The following CILK1 variants were observed in gnomAD, a reference collection of about 807,000 sequenced individuals.
The protein encoded by CILK1 is ciliogenesis associated kinase 1, also known as serine/threonine-protein kinase ICK.
Under a neutral mutation model 79.2 loss-of-function variants are expected in CILK1, and 47 were observed. That is an observed-to-expected ratio of 0.59 (90% CI 0.47 to 0.76). CILK1 has a LOEUF of 0.76. Ranked by LOEUF, CILK1 falls within the 30% of genes least tolerant of loss-of-function variation. The probability of loss-of-function intolerance (pLI) is 0.00; values close to 1 mark genes in which losing one functional copy is unlikely to be tolerated. For missense variants in CILK1, 660 were observed against 769.5 expected, an observed-to-expected ratio of 0.86 and a Z score of 1.68; for synonymous variants, 266 against 275.9, an observed-to-expected ratio of 0.96 and a Z score of 0.36.
At chr6:53,039,514 C>T (rs1411688096) in intron 2 of CILK1, among the ~76,000 whole-genome samples, 1 of 152,130 alleles carries the variant, frequency 6.6e-6, no homozygotes, top group African/African-American at 2.4e-5. Flanking sequence ...AGGTAGGGAA[C>T]CCAATAATGG....
In CILK1 at chr6:53,009,558, A is replaced by G. The variant is rs1764436702; in HGVS notation, c.1502T>C (p.Ile501Thr). 4 of 1,607,132 alleles carry G rather than the reference A, an allele frequency of 2.5e-6. No homozygotes were observed. Among genetic ancestry groups the G allele is most frequent in the Non-Finnish European group, 3.4e-6 (4 of 1,173,622 alleles). Residue 501 changes from isoleucine to threonine, a missense_variant, in exon 12 of 14, where the codon ATA becomes ACA. Ile to Thr is a moderately conservative substitution (Grantham distance 89). Coordinates refer to ENST00000676107, the MANE Select transcript of CILK1 (RefSeq NM_014920.5). Reference protein sequence around the residue: ...KHSRYLPGISIRNGILSNPGK... With the variant: ...KHSRYLPGISTRNGILSNPGK... ...TGGATTCGAGAGTATGCCATTTCTT[A>G]TACTGATCCCTGATAGAGAAGAAAT...
At chr6:53,045,808 A>AAAAT (rs1488646331) in intron 1 of CILK1, among the ~76,000 whole-genome samples, 1 of 149,862 alleles carries the variant, frequency 6.7e-6, no homozygotes, top group East Asian at 2.0e-4. Flanking sequence ...AAAAAAAAAA[A>AAAAT]ATTCCTGGAA....
intron 12 of CILK1, among the ~76,000 whole-genome samples, chr6:53,008,427 CTTT>C (rs1318627320): frequency 7.1e-6 from 1 of 140,576 alleles, no homozygotes. Flanking sequence ...CCAAGTTCAA[CTTT>C]TTTTTTTTTT....
At chr6:53,060,724 T>C (rs1029912186) in intron 1 of CILK1, among the ~76,000 whole-genome samples, 2 of 152,248 alleles carry the variant, frequency 1.3e-5, no homozygotes, top group Admixed American at 1.3e-4. Context: ...CAAATTCTTC[T>C]TAATAATTTA....
At chr6:53,053,197 G>A (rs1767610232) in intron 1 of CILK1, among the ~76,000 whole-genome samples, 1 of 152,104 alleles carries the variant, frequency 6.6e-6, no homozygotes, top group Non-Finnish European at 1.5e-5. Context: ...TGCCCTGACA[G>A]CATTTAAATT....
At chr6:53,016,640 T>C (rs1402749135) in intron 7 of CILK1, among the ~76,000 whole-genome samples, 5 of 152,242 alleles carry the variant, frequency 3.3e-5, no homozygotes, top group Admixed American at 3.3e-4. Context: ...ATTTTGTTCC[T>C]GGACAAATAA....
At chr6:53,007,009 AG>A (rs750814341) in intron 12 of CILK1, among the ~76,000 whole-genome samples, 76 of 152,356 alleles carry the variant, frequency 5.0e-4, no homozygotes, top group Non-Finnish European at 8.5e-4. Flanking sequence ...GAGTGCTTTA[AG>A]GGCAGGGACT....
intron 1 of CILK1, among the ~76,000 whole-genome samples, chr6:53,041,902 C>A (rs1348829266): frequency 2.0e-5 from 3 of 152,028 alleles, no homozygotes; most frequent in Middle Eastern, 3.2e-3. Context: ...TAAATAATTA[C>A]CTTACCTTTT....
intron 1 of CILK1, chr6:53,052,050 C>A (rs1416136169): frequency 1.3e-5 from 2 of 152,180 alleles, no homozygotes; most frequent in African/African-American, 4.8e-5. Flanking sequence ...TCCCTCCCCT[C>A]GTCCCACCTA....
chr6:53,046,424 T>C (rs1378090214), intron 1 of CILK1, among the ~76,000 whole-genome samples: 2 of 152,198 alleles, frequency 1.3e-5, no homozygotes, highest in Admixed American at 6.5e-5. Flanking sequence ...AGATTATCAC[T>C]GGGAAAGCTA....
chr6:53,032,577 G>T lies in CILK1; in HGVS notation c.234C>A (p.Ile78=), dbSNP rs1490829267. 2 of 1,606,990 alleles carry T rather than the reference G, an allele frequency of 1.2e-6. No homozygotes were observed. Among genetic ancestry groups the T allele is most frequent in the African/African-American group, 1.3e-5 (1 of 74,766 alleles). Residue 78 remains isoleucine, a synonymous_variant, in exon 4 of 14, where the codon ATC becomes ATA. Coordinates refer to ENST00000676107, the MANE Select transcript of CILK1 (RefSeq NM_014920.5). The part of the protein sequence containing the change: ...VIRENDHLYF[I]FEYMKENLYQ... ...AAAGATTTTCCTTCATGTACTCGAA[G>T]ATAAAATAAAGATGATCATTTTCCC...
rs1051726961 is a variant in CILK1, at chr6:53,041,274, G to A, written c.-38C>T. On this transcript the variant is annotated 5_prime_UTR_variant, in exon 2 of 14. Coordinates refer to ENST00000676107, the MANE Select transcript of CILK1 (RefSeq NM_014920.5). ...CAGGCCGGACACTCATCTCACGGCC[G>A]AAGTGGTTCAGTTCTGCAGTGGTAG... 3.4e-6 allele frequency: 5 copies of A among 1,481,548 alleles called. No individual in the cohort carries two copies. Among genetic ancestry groups the A allele is most frequent in the Middle Eastern group, 1.8e-4 (1 of 5,706 alleles). The allele number at this position is 1,481,548 out of a possible 1,614,324, so 91.8% of individuals were successfully genotyped here.
chr6:53,052,578 A>T (rs910424925), intron 1 of CILK1, among the ~76,000 whole-genome samples: 1 of 152,046 alleles, frequency 6.6e-6, no homozygotes, highest in African/African-American at 2.4e-5. Flanking sequence ...TAAAAATACA[A>T]AAATTAACCA....
chr6:53,026,468 T>C (rs550376397), intron 5 of CILK1, among the ~76,000 whole-genome samples: 3 of 152,318 alleles, frequency 2.0e-5, no homozygotes, highest in South Asian at 4.1e-4. Flanking sequence ...TTTTGAGCAG[T>C]GCTTGCACAT....
At chr6:53,007,031 C>T (rs768799753) in intron 12 of CILK1, among the ~76,000 whole-genome samples, 96 of 152,158 alleles carry the variant, frequency 6.3e-4, no homozygotes, top group South Asian at 2.1e-4. Flanking sequence ...GTATGCTACT[C>T]GTCTTGGTAT....
chr6:53,037,100 T>C (rs571697843), intron 3 of CILK1, among the ~76,000 whole-genome samples: 1 of 152,260 alleles, frequency 6.6e-6, no homozygotes, highest in South Asian at 2.1e-4. Flanking sequence ...GAAAGGGTGT[T>C]TTTCAGTATT....
chr6:53,027,168 A>C (rs547959573), intron 5 of CILK1, among the ~76,000 whole-genome samples: 292 of 152,370 alleles, frequency 1.9e-3, no homozygotes, highest in Middle Eastern at 3.4e-3. Flanking sequence ...AATGCATAGA[A>C]AGGCAATGGA....
chr6:53,060,644 GA>G (rs1768369610), intron 1 of CILK1, among the ~76,000 whole-genome samples: 1 of 152,188 alleles, frequency 6.6e-6, no homozygotes, highest in South Asian at 2.1e-4. Context: ...GCATTGTTCA[GA>G]AACTATTTTA....
At chr6:53,019,837 T>TG (rs1765126624) in intron 5 of CILK1, among the ~76,000 whole-genome samples, 1 of 151,550 alleles carries the variant, frequency 6.6e-6, no homozygotes, top group Non-Finnish European at 1.5e-5. Flanking sequence ...TTTTTGTTTT[T>TG]TTTTTTTTTG....
Sources: allele counts gnomAD v4.1 joint callset (sites outside exome capture counted in the v4.1 genomes callset), GRCh38; gene constraint gnomAD v4.1.1; transcripts MANE v1.5; gene names NCBI Gene and HGNC (gene_info 2026-07-23, HGNC 2026-07-21).